FAM171A1: variants seen among roughly 807,000 people sequenced by gnomAD.
FAM171A1 encodes the protein family with sequence similarity 171 member A1.
FAM171A1 carries 23 observed loss-of-function variants against 74.9 expected under a neutral mutation model. The observed-to-expected ratio is 0.31, with a 90% confidence interval of 0.22 to 0.44. FAM171A1 has a LOEUF of 0.44. Among genes scored for constraint, FAM171A1 ranks in the 20% least tolerant of loss-of-function variants. The pLI is 1.00. For missense variants in FAM171A1, 1,162 were observed against 1,159.2 expected (o/e 1.00, Z -0.03); for synonymous variants, 527 against 505.7 (o/e 1.04, Z -0.57).
chr10:15,246,707 G>A (rs1342152126), intron 5 of FAM171A1, among the ~76,000 whole-genome samples: 1 of 152,178 alleles, frequency 6.6e-6, no homozygotes, highest in Non-Finnish European at 1.5e-5. Context: ...ATTTTTAGTA[G>A]AGATAGGGTT....
upstream of FAM171A1, among the ~76,000 whole-genome samples, chr10:15,374,127 G>A (rs972706766): frequency 6.6e-6 from 1 of 152,168 alleles, no homozygotes; most frequent in Non-Finnish European, 1.5e-5. Context: ...TGTTATTATC[G>A]TGTATAACAA....
At chr10:15,257,392 C>T (rs1834594257) in intron 3 of FAM171A1, among the ~76,000 whole-genome samples, 1 of 152,164 alleles carries the variant, frequency 6.6e-6, no homozygotes, top group Non-Finnish European at 1.5e-5. Flanking sequence ...GGGGACTGGC[C>T]TGGGACCCAG....
chr10:15,274,616 C>T (rs1447864622), intron 3 of FAM171A1, among the ~76,000 whole-genome samples: 11 of 152,136 alleles, frequency 7.2e-5, no homozygotes, highest in South Asian at 4.1e-4. Flanking sequence ...GGAGGCATCA[C>T]GCTACCTGAC....
intron 1 of FAM171A1, among the ~76,000 whole-genome samples, chr10:15,321,852 T>C (rs924809609): frequency 6.6e-6 from 1 of 152,212 alleles, no homozygotes. Context: ...ATTCACCTAA[T>C]AGTGGTTTCC....
chr10:15,233,053 G>C (rs1052407208), intron 5 of FAM171A1, among the ~76,000 whole-genome samples: 4 of 152,224 alleles, frequency 2.6e-5, no homozygotes, highest in Non-Finnish European at 5.9e-5. Flanking sequence ...CCAGCACTTT[G>C]GGAGGCTGAG....
intron 1 of FAM171A1, among the ~76,000 whole-genome samples, chr10:15,312,491 A>G (rs1394741295): frequency 2.0e-5 from 3 of 150,972 alleles, no homozygotes; most frequent in Admixed American, 6.6e-5. Context: ...GGGGGTATGC[A>G]CGAGTCTCGG....
At chr10:15,218,745 C>G (rs1833999006) in intron 6 of FAM171A1, among the ~76,000 whole-genome samples, 1 of 152,058 alleles carries the variant, frequency 6.6e-6, no homozygotes, top group South Asian at 2.1e-4. Context: ...CAGGTGAATG[C>G]TACCATCACT....
chr10:15,297,460 G>A (rs1835174833), intron 1 of FAM171A1, among the ~76,000 whole-genome samples: 1 of 152,156 alleles, frequency 6.6e-6, no homozygotes, highest in African/African-American at 2.4e-5. Flanking sequence ...TCTTGGCAGT[G>A]CTACCAGGAT....
chr10:15,336,796 A>C (rs1488259148), intron 1 of FAM171A1, among the ~76,000 whole-genome samples: 1 of 149,904 alleles, frequency 6.7e-6, no homozygotes, highest in Non-Finnish European at 1.5e-5. Context: ...CCAAGGATAC[A>C]ATGATTGCAG....
At chr10:15,309,443 C>A (rs557257570) in intron 1 of FAM171A1, among the ~76,000 whole-genome samples, 1 of 152,254 alleles carries the variant, frequency 6.6e-6, no homozygotes, top group Non-Finnish European at 1.5e-5. Flanking sequence ...CCTGGTCTCA[C>A]GCAATCCTCC....
chr10:15,364,032 T>C (rs1836028947), intron 1 of FAM171A1, among the ~76,000 whole-genome samples: 1 of 151,412 alleles, frequency 6.6e-6, no homozygotes, highest in Admixed American at 6.6e-5. Context: ...TGGGAGGCCA[T>C]TCAAGTCGGG....
chr10:15,353,556 G>A (rs1026782412), intron 1 of FAM171A1, among the ~76,000 whole-genome samples: 7 of 152,156 alleles, frequency 4.6e-5, no homozygotes, highest in African/African-American at 1.7e-4. Flanking sequence ...GCAAGAAAAC[G>A]TCCTAAGTTC....
intron 5 of FAM171A1, among the ~76,000 whole-genome samples, chr10:15,243,213 T>C (rs181425412): frequency 8.1e-4 from 123 of 152,300 alleles, no homozygotes; most frequent in South Asian, 1.2e-3. Context: ...GGCTCCGGCC[T>C]GCGCTCCCAT....
intron 3 of FAM171A1, among the ~76,000 whole-genome samples, chr10:15,274,617 G>A (rs1216076124): frequency 7.9e-5 from 12 of 152,068 alleles, no homozygotes; most frequent in Non-Finnish European, 1.3e-4. Context: ...GAGGCATCAC[G>A]CTACCTGACT....
At chr10:15,280,318 T>C (rs7910208) in intron 2 of FAM171A1, among the ~76,000 whole-genome samples, 37,668 of 152,096 alleles carry the variant, frequency 0.25, 4,686 homozygotes, top group Non-Finnish European at 0.28. Context: ...ACTGCACATA[T>C]ATATTTTCAT....
At chr10:15,275,469 G>A (rs1213760589) in intron 3 of FAM171A1, among the ~76,000 whole-genome samples, 1 of 146,208 alleles carries the variant, frequency 6.8e-6, no homozygotes, top group South Asian at 2.2e-4. Context: ...TTTTTTTTTT[G>A]TATTTTTAGT....
intron 1 of FAM171A1, among the ~76,000 whole-genome samples, chr10:15,361,275 C>T (rs1835990106): frequency 6.6e-6 from 1 of 152,088 alleles, no homozygotes; most frequent in African/African-American, 2.4e-5. Flanking sequence ...GAGATTTAAG[C>T]CATAATTGTG....
At chr10:15,352,498 C>A (rs1186475038) in intron 1 of FAM171A1, among the ~76,000 whole-genome samples, 1 of 152,176 alleles carries the variant, frequency 6.6e-6, no homozygotes, top group Non-Finnish European at 1.5e-5. Context: ...AGCACTTTAA[C>A]ATGTATTGAT....
chr10:15,277,803 C>G (rs990199522), intron 2 of FAM171A1, among the ~76,000 whole-genome samples: 1 of 152,010 alleles, frequency 6.6e-6, no homozygotes, highest in African/African-American at 2.4e-5. Context: ...GCTACCCAGG[C>G]TGGAGTGCAG....
Sources: gnomAD v4.1 joint callset for allele counts (sites outside exome capture counted in the v4.1 genomes callset) on GRCh38, gnomAD v4.1.1 for gene constraint, MANE v1.5 for transcripts, NCBI Gene and HGNC (gene_info 2026-07-23, HGNC 2026-07-21) for gene names.